IL1RAPL2: variants seen among roughly 807,000 people sequenced by gnomAD.
IL1RAPL2 encodes the protein interleukin 1 receptor accessory protein like 2.
In IL1RAPL2, 3 loss-of-function variants were observed where a neutral mutation model predicts 44.1. The ratio of observed to expected loss-of-function variants is 0.07; its 90% CI spans 0.03 to 0.18. The LOEUF is 0.18. Ranked by LOEUF, IL1RAPL2 falls within the 10% of genes least tolerant of loss-of-function variation. IL1RAPL2 has a pLI of 1.00. For missense variants in IL1RAPL2, 391 were observed against 496.4 expected (o/e 0.79, Z 2.02); for synonymous variants, 181 against 178.8 (o/e 1.01, Z -0.10).
intron 5 of IL1RAPL2, among the ~76,000 whole-genome samples, chrX:105,313,019 A>T (rs1336513456): frequency 8.9e-6 from 1 of 111,803 alleles, no homozygotes; most frequent in Non-Finnish European, 1.9e-5. Context: ...AGACCACCAC[A>T]TCCAACAAAC....
intron 9 of IL1RAPL2, among the ~76,000 whole-genome samples, chrX:105,753,373 T>C (rs1474270853): frequency 8.9e-6 from 1 of 111,789 alleles, no homozygotes; most frequent in Admixed American, 9.5e-5. Flanking sequence ...TCTGACATTA[T>C]GGAGTTTGAG....
At chrX:104,977,045 A>G (rs755630044) in intron 2 of IL1RAPL2, among the ~76,000 whole-genome samples, 1 of 112,039 alleles carries the variant, frequency 8.9e-6, no homozygotes, top group South Asian at 3.8e-4. Flanking sequence ...TTAATGAGTG[A>G]CTTTTCACTG....
intron 2 of IL1RAPL2, among the ~76,000 whole-genome samples, chrX:104,707,949 C>T (rs1472309780): frequency 1.8e-5 from 2 of 111,767 alleles, no homozygotes; most frequent in Non-Finnish European, 3.8e-5. Context: ...ACTTGTCACC[C>T]TCCCCACTAT....
At chrX:105,270,988 A>T (rs1372349858) in intron 5 of IL1RAPL2, among the ~76,000 whole-genome samples, 1 of 112,090 alleles carries the variant, frequency 8.9e-6, no homozygotes, top group Non-Finnish European at 1.9e-5. Flanking sequence ...TAAATTTATG[A>T]TTCTGAGAAA....
At chrX:104,893,019 C>G (rs1314164035) in intron 2 of IL1RAPL2, among the ~76,000 whole-genome samples, 3 of 111,685 alleles carry the variant, frequency 2.7e-5, no homozygotes, top group Admixed American at 9.5e-5. Flanking sequence ...TTTCAAATAA[C>G]TTTATTTCTG....
chrX:105,637,017 C>T (rs1233954373), intron 6 of IL1RAPL2, among the ~76,000 whole-genome samples: 1 of 110,841 alleles, frequency 9.0e-6, no homozygotes, highest in African/African-American at 3.3e-5. Flanking sequence ...CTAAGTCTAA[C>T]CTCTGGGCTA....
At chrX:104,961,358 G>C (rs1212643196) in intron 2 of IL1RAPL2, among the ~76,000 whole-genome samples, 1 of 111,630 alleles carries the variant, frequency 9.0e-6, no homozygotes, top group Non-Finnish European at 1.9e-5. Context: ...TGTCTTGTTT[G>C]ACCAGAGATC....
At chrX:104,846,919 T>G (rs771854435) in intron 2 of IL1RAPL2, among the ~76,000 whole-genome samples, 466 of 112,092 alleles carry the variant, frequency 4.2e-3, no homozygotes, top group African/African-American at 0.014. Flanking sequence ...TCTCATTGTG[T>G]TTTTGATTTG....
At chrX:104,919,957 C>T (rs940665462) in intron 2 of IL1RAPL2, among the ~76,000 whole-genome samples, 9 of 110,968 alleles carry the variant, frequency 8.1e-5, no homozygotes, top group African/African-American at 3.0e-4. Flanking sequence ...GTATGTCCTG[C>T]ATGGAGGCCT....
chrX:105,277,041 T>C (rs780918015), intron 5 of IL1RAPL2, among the ~76,000 whole-genome samples: 3 of 111,690 alleles, frequency 2.7e-5, no homozygotes, highest in African/African-American at 9.8e-5. Flanking sequence ...ATGAAGCAAG[T>C]TGGTGTCCAG....
At chrX:105,744,044 C>A (rs2038521002) in intron 8 of IL1RAPL2, among the ~76,000 whole-genome samples, 2 of 112,044 alleles carry the variant, frequency 1.8e-5, no homozygotes, top group African/African-American at 6.5e-5. Context: ...AAAAGGGCAA[C>A]AACTACTTTG....
intron 3 of IL1RAPL2, among the ~76,000 whole-genome samples, chrX:105,196,928 T>C (rs2147613011): frequency 9.0e-6 from 1 of 111,662 alleles, no homozygotes; most frequent in East Asian, 2.8e-4. Context: ...TATTTTTGTG[T>C]CCTGTGAACT....
At chrX:105,158,326 G>A (rs904349617) in intron 2 of IL1RAPL2, among the ~76,000 whole-genome samples, 1 of 110,713 alleles carries the variant, frequency 9.0e-6, no homozygotes, top group Non-Finnish European at 1.9e-5. Context: ...GCCACTGCAC[G>A]CCAGCCTGGG....
At chrX:104,751,804 G>T (rs1210235882) in intron 2 of IL1RAPL2, among the ~76,000 whole-genome samples, 1 of 111,093 alleles carries the variant, frequency 9.0e-6, no homozygotes, top group Non-Finnish European at 1.9e-5. Context: ...GGATGCTTGT[G>T]AACTGACCCC....
At chrX:104,645,290 C>T (rs1930011899) in intron 1 of IL1RAPL2, among the ~76,000 whole-genome samples, 1 of 111,562 alleles carries the variant, frequency 9.0e-6, no homozygotes, top group African/African-American at 3.3e-5. Context: ...TTAGTATCCT[C>T]AATTTTTCAC....
rs760107562 is a variant in IL1RAPL2 at position 105,600,502 on chromosome X, TTAA to T, written c.772+116120_772+116122del. Among the ~76,000 whole-genome samples, 61 of 109,054 alleles carry T rather than the reference TTAA, an allele frequency of 5.6e-4. 1 individual carries two copies. In the South Asian group the frequency reaches 0.019, roughly 34 times the overall value. The allele number at this position is 109,054 out of a possible 115,157, so 94.7% of individuals were successfully genotyped here. On this transcript the variant is annotated intron_variant, in intron 6 of 10. Transcript: ENST00000372582. Reference sequence around the variant, plus strand: ...ATTATTTATTAATCTTAACTATCAATTAATAATGAGTATTTAATAATTTAATTA... The same window carrying T: ...ATTATTTATTAATCTTAACTATCAATTAATGAGTATTTAATAATTTAATTA...
chrX:105,636,272 C>G (rs987721113), intron 6 of IL1RAPL2, among the ~76,000 whole-genome samples: 15 of 111,097 alleles, frequency 1.4e-4, no homozygotes, highest in Admixed American at 9.6e-4. Flanking sequence ...GTGTCTGATT[C>G]AGTAAGCACC....
At chrX:104,953,797 A>G (rs770796832) in intron 2 of IL1RAPL2, among the ~76,000 whole-genome samples, 1 of 112,021 alleles carries the variant, frequency 8.9e-6, no homozygotes, top group African/African-American at 3.2e-5. Context: ...AGTCACCCTA[A>G]TCAACAAGCC....
intron 2 of IL1RAPL2, among the ~76,000 whole-genome samples, chrX:105,144,738 C>A (rs2033163810): frequency 9.0e-6 from 1 of 111,608 alleles, no homozygotes; most frequent in East Asian, 2.8e-4. Flanking sequence ...GTCCTGCCTC[C>A]CATCCCCAAT....
Sources: gnomAD v4.1 joint callset for allele counts (sites outside exome capture counted in the v4.1 genomes callset) on GRCh38, gnomAD v4.1.1 for gene constraint, MANE v1.5 for transcripts, NCBI Gene and HGNC (gene_info 2026-07-23, HGNC 2026-07-21) for gene names.